The following MTMR10 variants were observed in gnomAD, a reference collection of about 807,000 sequenced individuals.
MTMR10 encodes myotubularin related protein 10.
MTMR10 carries 56 observed loss-of-function variants against 88.1 expected under a neutral mutation model. That is an observed-to-expected ratio of 0.64 (90% CI 0.51 to 0.79). MTMR10 has a LOEUF of 0.79. MTMR10 is among the 30% of genes least tolerant of loss of function. The pLI is 0.00. For synonymous variants in MTMR10, 380 were observed against 340.9 expected (o/e 1.11, Z -1.26); for missense variants, 883 against 924.7 (o/e 0.95, Z 0.58).
chr15:30,969,850 T>A (rs1411941411), intron 5 of MTMR10, among the ~76,000 whole-genome samples: 6 of 152,004 alleles, frequency 3.9e-5, no homozygotes. Context: ...GCCCCAGCCA[T>A]CTCCACTGTC....
intron 7 of MTMR10, among the ~76,000 whole-genome samples, chr15:30,959,634 G>A (rs1009934476): frequency 6.6e-6 from 1 of 152,140 alleles, no homozygotes; most frequent in Non-Finnish European, 1.5e-5. Flanking sequence ...TTTCCCCGAC[G>A]TGGCTGGGCA....
downstream of MTMR10, chr15:30,936,989 GTTACAC>G: frequency 1.4e-6 from 1 of 733,872 alleles, no homozygotes; most frequent in Admixed American, 2.7e-5. Flanking sequence ...GTATATTTGT[GTTACAC>G]TTACAAATAC....
chr15:30,920,911 G>A, the MTMR10 span, among the ~76,000 whole-genome samples: 1 of 152,206 alleles, frequency 6.6e-6, no homozygotes, highest in African/African-American at 2.4e-5. Flanking sequence ...AGCCTCCTGA[G>A]TAGCTGGGAC....
Position 30,940,417 on chromosome 15 carries a change from T to G in MTMR10, c.*1053A>C, listed in dbSNP as rs75814343. 3 of 985,280 alleles carry G rather than the reference T, an allele frequency of 3.0e-6. No individual in the cohort carries two copies. The highest frequency in any genetic ancestry group is 1.7e-5 in the African/African-American group (1 of 57,216). The allele number at this position is 985,280 out of a possible 1,614,324, so 61.0% of individuals were successfully genotyped here. The stretch of plus-strand genomic sequence containing the variant: ...GTTTTGAGAGAATCCATTTTTTTAT[T>G]TCTCCTCTATTCCTAAGCATTAGGA... On this transcript the variant is annotated 3_prime_UTR_variant, in exon 16 of 16. Coordinates refer to ENST00000435680, the MANE Select transcript of MTMR10 (RefSeq NM_017762.3).
chr15:30,928,644 A>C, the MTMR10 span: 1 of 1,614,060 alleles, frequency 6.2e-7, no homozygotes, highest in South Asian at 1.1e-5. Context: ...ATGTCTTCAG[A>C]AACGCCTGTC....
At chr15:30,929,950 A>T in the MTMR10 span, among the ~76,000 whole-genome samples, 1 of 114,554 alleles carries the variant, frequency 8.7e-6, no homozygotes, top group African/African-American at 3.7e-5. Context: ...ATATAATATA[A>T]TATATATCAT....
chr15:30,920,699 G>A, the MTMR10 span: 41 of 1,126,692 alleles, frequency 3.6e-5, no homozygotes, highest in Non-Finnish European at 5.4e-5. Flanking sequence ...ATGTGATGGC[G>A]TTAAACATGT....
At chr15:30,978,304 T>C (rs1418615932) in intron 2 of MTMR10, among the ~76,000 whole-genome samples, 4 of 152,230 alleles carry the variant, frequency 2.6e-5, no homozygotes, top group Non-Finnish European at 4.4e-5. Context: ...GGGTAGAAGA[T>C]GGACTGACTT....
the MTMR10 span, chr15:30,925,404 A>G: frequency 9.5e-7 from 1 of 1,049,680 alleles, no homozygotes; most frequent in Non-Finnish European, 1.4e-6. Context: ...GACTCGGAAT[A>G]ATCTAAAACT....
At chr15:30,929,240 C>G in the MTMR10 span, 1 of 1,613,520 alleles carries the variant, frequency 6.2e-7, no homozygotes, top group South Asian at 1.1e-5. Flanking sequence ...AGCTTCTTCA[C>G]AAGCAGACGC....
At chr15:30,973,760 T>A (rs2029895941) in intron 5 of MTMR10, among the ~76,000 whole-genome samples, 1 of 152,128 alleles carries the variant, frequency 6.6e-6, no homozygotes, top group African/African-American at 2.4e-5. Flanking sequence ...AGTAGGGTAA[T>A]AAGTCATTAT....
At chr15:30,956,645 T>C (rs779031762) in intron 9 of MTMR10, among the ~76,000 whole-genome samples, 3 of 152,172 alleles carry the variant, frequency 2.0e-5, no homozygotes, top group Non-Finnish European at 4.4e-5. Context: ...ATGACACACC[T>C]GAGGGAAAAA....
At chr15:30,948,841 G>C in intron 12 of MTMR10, 2 of 258,754 alleles carry the variant, frequency 7.7e-6, no homozygotes, top group South Asian at 1.0e-4. Context: ...GCAATACTGA[G>C]AAGTGAATGG....
rs138663091 is a variant in MTMR10, at chr15:30,967,147, T to C, written c.565+773A>G. ...TTATAAATACACAGCTGATTTATTT[T>C]TCTTGCTTAAATAAAAGAACACAGG... On this transcript the variant is annotated intron_variant, in intron 6 of 15. Coordinates refer to ENST00000435680, the MANE Select transcript of MTMR10 (RefSeq NM_017762.3). Among the ~76,000 whole-genome samples, 15 of 152,298 alleles carry C rather than the reference T, an allele frequency of 9.8e-5. No homozygotes were observed. In the East Asian group the frequency reaches 2.7e-3, roughly 27 times the overall value.
chr15:30,967,841 C>T, intron 6 of MTMR10, 79 bp downstream of exon 6: 1 of 1,194,552 alleles, frequency 8.4e-7, no homozygotes. Context: ...AGCTCATGTA[C>T]TTGGAGGCTT....
At chr15:30,926,867 T>C in the MTMR10 span, 1 of 985,360 alleles carries the variant, frequency 1.0e-6, no homozygotes, top group Non-Finnish European at 1.2e-6. Flanking sequence ...ATCGATGCCG[T>C]GAAACTGGGC....
chr15:30,991,573 A>G lies in MTMR10; in HGVS notation c.-67T>C. On this transcript the variant is annotated 5_prime_UTR_variant, in exon 1 of 16. Coordinates refer to ENST00000435680, the MANE Select transcript of MTMR10 (RefSeq NM_017762.3). ...GGCAGCGCCGACGCCTCCGGGCGTA[A>G]AGCTCTCAGTGCGGCCGCCCAGGCC... 6.6e-7 allele frequency: 1 copy of G among 1,510,940 alleles called. No homozygotes were observed. The highest frequency in any genetic ancestry group is 1.5e-5 in the African/African-American group (1 of 68,168). The allele number at this position is 1,510,940 out of a possible 1,614,324, so 93.6% of individuals were successfully genotyped here.
At chr15:30,925,218 A>G in the MTMR10 span, 1 of 1,614,054 alleles carries the variant, frequency 6.2e-7, no homozygotes, top group Middle Eastern at 1.7e-4. Flanking sequence ...CGCCTGCGAG[A>G]GTCTCCGAGC....
chr15:30,929,768 TATATA>T, the MTMR10 span, among the ~76,000 whole-genome samples: 14 of 39,580 alleles, frequency 3.5e-4, 1 homozygote, highest in South Asian at 8.2e-3. Context: ...ATATATAAAA[TATATA>T]ATATATTATA....
Sources: allele counts gnomAD v4.1 joint callset (sites outside exome capture counted in the v4.1 genomes callset), GRCh38; gene constraint gnomAD v4.1.1; transcripts MANE v1.5; gene names NCBI Gene and HGNC (gene_info 2026-07-23, HGNC 2026-07-21).